The following DNAH12 variants were observed in gnomAD, a reference collection of about 807,000 sequenced individuals.
The protein encoded by DNAH12 is axonemal beta dynein heavy chain 12.
DNAH12 carries 285 observed loss-of-function variants against 371.5 expected under a neutral mutation model. The observed-to-expected ratio is 0.77, with a 90% CI of 0.70 to 0.85. DNAH12 has a LOEUF of 0.85. Among genes scored for constraint, DNAH12 ranks in the 40% least tolerant of loss-of-function variants. The pLI is 0.00. For missense variants in DNAH12, 3,611 were observed against 3,689.4 expected (o/e 0.98, Z 0.55); for synonymous variants, 1,200 against 1,213.0 (o/e 0.99, Z 0.22).
At chr3:57,378,039 A>G (rs2063317452) in intron 52 of DNAH12, among the ~76,000 whole-genome samples, 1 of 152,198 alleles carries the variant, frequency 6.6e-6, no homozygotes, top group Non-Finnish European at 1.5e-5. Flanking sequence ...TCTCTGCTGC[A>G]CTGAAATCAT....
chr3:57,384,610 C>T (rs1404940135), intron 49 of DNAH12, among the ~76,000 whole-genome samples: 2 of 152,062 alleles, frequency 1.3e-5, no homozygotes, highest in South Asian at 4.2e-4. Flanking sequence ...CACTACTGCA[C>T]TCCAGCTTGG....
chr3:57,481,414 TAA>T (rs913474330), intron 13 of DNAH12, among the ~76,000 whole-genome samples: 2 of 151,912 alleles, frequency 1.3e-5, no homozygotes, highest in African/African-American at 4.8e-5. Flanking sequence ...CTCAACAAAA[TAA>T]AAGAGGATAC....
chr3:57,323,163 A>G lies in DNAH12; in HGVS notation c.10227T>C (p.Ile3409=). 6.4e-7 allele frequency: 1 copy of G among 1,552,424 alleles called. No individual in the cohort carries two copies. Among genetic ancestry groups the G allele is most frequent in the Non-Finnish European group, 8.7e-7 (1 of 1,147,152 alleles). ...AAGTTCCTTCTTCAATTGCTGCTTT[A>G]ATCATTTTTGCTGCAATCGGTCCTT... ...QGQGPIAAKM[I]KAAIEEGTWV... Residue 3409 remains isoleucine (I), a synonymous_variant, in exon 64 of 74, where the codon ATT becomes ATC. Transcript: ENST00000495027.
chr3:57,406,048 C>T, intron 40 of DNAH12, 96 bp from the exon 41 acceptor site: 1 of 1,311,104 alleles, frequency 7.6e-7, no homozygotes, highest in Non-Finnish European at 1.0e-6. Flanking sequence ...TTTATTTACT[C>T]TGTCAGATTA....
intron 43 of DNAH12, among the ~76,000 whole-genome samples, chr3:57,397,199 T>TC (rs1210694780): frequency 0.09 from 13,771 of 152,218 alleles, 2,091 homozygotes; most frequent in African/African-American, 0.31. Flanking sequence ...ACCCTTGTTC[T>TC]CCCCTGAAGA....
intron 57 of DNAH12, among the ~76,000 whole-genome samples, 162 bp downstream of exon 57, chr3:57,366,567 T>C (rs1215078393): frequency 6.6e-6 from 1 of 152,234 alleles, no homozygotes; most frequent in Admixed American, 6.5e-5. Context: ...GGTTGGCTTA[T>C]AACTTACTTG....
chr3:57,301,677 TAC>T (rs57748737), intron 70 of DNAH12, 56 bp downstream of exon 70: 63,102 of 1,134,086 alleles, frequency 0.056, 963 homozygotes, highest in African/African-American at 0.078. Flanking sequence ...ACATGTATTT[TAC>T]ACACACACAC....
At chr3:57,345,321 C>A (rs996651151) in intron 60 of DNAH12, among the ~76,000 whole-genome samples, 2 of 151,988 alleles carry the variant, frequency 1.3e-5, no homozygotes, top group African/African-American at 4.8e-5. Flanking sequence ...AACTACAAAC[C>A]AAAATCTCTC....
chr3:57,535,449 G>A (rs1182915228), intron 2 of DNAH12, among the ~76,000 whole-genome samples: 1 of 152,210 alleles, frequency 6.6e-6, no homozygotes, highest in African/African-American at 2.4e-5. Flanking sequence ...TCAGCAAGAA[G>A]GCCCTTACAA....
chr3:57,378,827 C>G (rs2063331940), intron 52 of DNAH12, among the ~76,000 whole-genome samples: 1 of 152,174 alleles, frequency 6.6e-6, no homozygotes, highest in African/African-American at 2.4e-5. Flanking sequence ...GCACTTTCCC[C>G]TTGATGTTTT....
rs2063318615 is a variant in DNAH12, at chr3:57,378,102, C to A, written c.8224-880G>T. On this transcript the variant is annotated intron_variant, in intron 52 of 73. Coordinates refer to ENST00000495027, the MANE Select transcript of DNAH12 (RefSeq NM_001366028.2). The stretch of plus-strand genomic sequence containing the variant: ...AGAAAGCAGGAAGCTCTCTTTTCTG[C>A]TTCTGACTTCAGAGAAGACATTGTT... 3.9e-5 allele frequency among the ~76,000 whole-genome samples: 6 copies of A among 152,264 alleles called. No homozygotes were observed. The South Asian group carries it at 1.2e-3, about 32-fold the overall frequency.
Position 57,459,739 on chromosome 3 carries a change from C to CCATT in DNAH12, c.2780_2783dup (p.Trp928Ter). 1 of 1,534,248 alleles carries CCATT rather than the reference C, an allele frequency of 6.5e-7. No homozygotes were observed. Among genetic ancestry groups the CCATT allele is most frequent in the South Asian group, 1.2e-5 (1 of 81,680 alleles). The stretch of plus-strand genomic sequence containing the variant: ...ACAGCCATTGAGCTTGTACTTTTAA[C>CCATT]CATTCATCAATTGTTTCTTGTATTC... On this transcript the variant is annotated stop_gained and frameshift_variant, in exon 20 of 74. Transcript: ENST00000495027. LOFTEE classifies it high-confidence loss of function.
In DNAH12 at chr3:57,507,777, C is replaced by G; in HGVS notation, c.763G>C (p.Ala255Pro). 1 of 1,608,016 alleles carries G rather than the reference C, an allele frequency of 6.2e-7. No homozygotes were observed. The highest frequency in any genetic ancestry group is 8.5e-7 in the Non-Finnish European group (1 of 1,179,054). ...CATGTATTCATTATCTTCTCTTCTGCGTTTCTAGTTTGTATTGATAGATCA... is the reference window on the plus strand; with the variant it reads ...CATGTATTCATTATCTTCTCTTCTGGGTTTCTAGTTTGTATTGATAGATCA... ...KTDLSIQTRN[A>P]EEKIMNTWYP... Residue 255 changes from alanine (A) to proline (P), a missense_variant, in exon 8 of 74, where the codon GCA (alanine) becomes CCA (proline). By Grantham distance (27) the Ala-to-Pro change is conservative (BLOSUM62 -1). This residue lies in a region of DNAH12 where 1,314 missense variants were observed against 1,398.7 expected (regional missense o/e 0.94). Transcript: ENST00000495027.
At chr3:57,409,439 A>C (rs1193928513) in intron 39 of DNAH12, among the ~76,000 whole-genome samples, 3 of 152,196 alleles carry the variant, frequency 2.0e-5, no homozygotes, top group African/African-American at 7.2e-5. Context: ...ACGAATGAGT[A>C]GACAAATATG....
chr3:57,368,006 C>G (rs907818539), intron 56 of DNAH12, 40 bp downstream of exon 56: 2 of 151,926 alleles, frequency 1.3e-5, no homozygotes, highest in Non-Finnish European at 2.9e-5. Context: ...ATAATTCAAT[C>G]ATCTTTCAGT....
rs1269224771 is a variant in DNAH12, at chr3:57,323,202, T to C, written c.10188A>G (p.Ser3396=). 3 of 1,552,318 alleles carry C rather than the reference T, an allele frequency of 1.9e-6. No individual in the cohort carries two copies. Among genetic ancestry groups the C allele is most frequent in the Middle Eastern group, 1.7e-4 (1 of 5,998 alleles). Residue 3396 remains serine, a synonymous_variant, in exon 64 of 74, where the codon TCA becomes TCG. Transcript: ENST00000495027. ...SMSGNKFQAI[S]LGQGQGPIAA... ...CAATCGGTCCTTGTCCCTGTCCCAG[T>C]GAAATAGCTTGAAACTTATTTCCAG...
intron 66 of DNAH12, 146 bp from the exon 67 acceptor site, chr3:57,311,096 T>G (rs75843593): frequency 1.5e-6 from 1 of 678,522 alleles, no homozygotes; most frequent in South Asian, 1.9e-5. Flanking sequence ...AGTTTTTTTT[T>G]GGACAGTCTC....
At chr3:57,510,184 C>A (rs2067935256) in intron 5 of DNAH12, among the ~76,000 whole-genome samples, 1 of 151,710 alleles carries the variant, frequency 6.6e-6, no homozygotes, top group Non-Finnish European at 1.5e-5. Flanking sequence ...TATTTTCTAG[C>A]AAACCTATAA....
rs139476829 is a variant in DNAH12 at position 57,488,963 on chromosome 3, C to T, written c.1514+546G>A. 2.0e-3 allele frequency among the ~76,000 whole-genome samples: 274 copies of T among 135,774 alleles called. 1 individual carries two copies. Among genetic ancestry groups the T allele is most frequent in the African/African-American group, 6.5e-3 (260 of 40,024 alleles). 89.1% of individuals were successfully genotyped at this position (135,774 alleles called of 152,430 possible). On this transcript the variant is annotated intron_variant, in intron 12 of 73. Transcript: ENST00000495027. ...GTGTGTGTGTGTGTGTGTGTGTGCA[C>T]GTGCGTGTGTGTACTAATTTTAAAA...
Sources: allele counts gnomAD v4.1 joint callset (sites outside exome capture counted in the v4.1 genomes callset), GRCh38; gene constraint gnomAD v4.1.1; regional missense constraint gnomAD v4.1.1; transcripts MANE v1.5; gene names NCBI Gene and HGNC (gene_info 2026-07-23, HGNC 2026-07-21).